INSIG1: variants seen among roughly 807,000 people sequenced by gnomAD.
The protein encoded by INSIG1 is insulin induced gene 1.
A neutral mutation model predicts 26.5 loss-of-function variants in INSIG1; 14 were observed. The observed-to-expected ratio is 0.53, with a 90% CI of 0.35 to 0.83. INSIG1 has a LOEUF of 0.83. INSIG1 is among the 40% of genes least tolerant of loss of function. The pLI, the probability that INSIG1 is intolerant of heterozygous loss-of-function variation, is 0.01. For missense variants in INSIG1, 272 were observed against 368.9 expected, an observed-to-expected ratio of 0.74 and a Z score of 2.15; for synonymous variants, 147 against 153.3, an observed-to-expected ratio of 0.96 and a Z score of 0.30.
intron 2 of INSIG1, among the ~76,000 whole-genome samples, chr7:155,301,193 G>A (rs772534520): frequency 2.0e-5 from 3 of 152,160 alleles, no homozygotes; most frequent in Admixed American, 6.5e-5. Flanking sequence ...AAATCACACC[G>A]GATGAAAAGA....
chr7:155,306,249 C>T (rs996887576), intron 5 of INSIG1, among the ~76,000 whole-genome samples: 1 of 152,246 alleles, frequency 6.6e-6, no homozygotes, highest in Non-Finnish European at 1.5e-5. Context: ...ATCCACCTGC[C>T]TCTGCCTCCC....
chr7:155,298,473 G>T lies in INSIG1; in HGVS notation c.188G>T (p.Arg63Leu), dbSNP rs773576456. 2.5e-5 allele frequency: 39 copies of T among 1,561,052 alleles called. No individual in the cohort carries two copies. In the East Asian group the frequency reaches 8.3e-4, roughly 33 times the overall value. ...APDADPAPRG[R>L]SAAMSGPEPG... ...GACGCTGACCCCGCGCCCAGGGGCC[G>T]CAGTGCTGCGATGAGCGGCCCCGAG... Residue 63 changes from arginine to leucine, a missense_variant, in exon 2 of 6, where the codon CGC (arginine) becomes CTC (leucine). Transcript: ENST00000340368.
Position 155,298,342 on chromosome 7 carries a change from C to T in INSIG1, c.57C>T (p.Arg19=). Reference sequence around the variant, plus strand: ...GCTCCTGTGCGCACAGCGCGAGGCGCCGAGGCCCCCCGCGAGCCAGCGCCG... The same window carrying T: ...GCTCCTGTGCGCACAGCGCGAGGCGTCGAGGCCCCCCGCGAGCCAGCGCCG... ...WSCSCAHSAR[R]RGPPRASAAG... The change falls in exon 2 of 6, where the codon CGC becomes CGT. Residue 19 remains arginine (R), a synonymous_variant. Coordinates refer to ENST00000340368, the MANE Select transcript of INSIG1 (RefSeq NM_005542.6). 5 of 1,508,912 alleles carry T rather than the reference C, an allele frequency of 3.3e-6. No individual in the cohort carries two copies. The highest frequency in any genetic ancestry group is 4.4e-6 in the Non-Finnish European group (5 of 1,137,612). 93.5% of individuals were successfully genotyped at this position (1,508,912 alleles called of 1,614,324 possible).
At chr7:155,308,096 A>T in intron 5 of INSIG1, 145 bp from the exon 6 acceptor site, 1 of 574,716 alleles carries the variant, frequency 1.7e-6, no homozygotes, top group Non-Finnish European at 3.1e-6. Context: ...AGTTCTCTGC[A>T]CATGTCCCAC....
intron 5 of INSIG1, among the ~76,000 whole-genome samples, chr7:155,305,468 C>T (rs1288488571): frequency 6.6e-6 from 1 of 152,178 alleles, no homozygotes; most frequent in African/African-American, 2.4e-5. Flanking sequence ...GGGCAGCCTT[C>T]CCCACATTCC....
chr7:155,298,781 T>C, intron 2 of INSIG1, 84 bp downstream of exon 2: 1 of 1,243,714 alleles, frequency 8.0e-7, no homozygotes, highest in South Asian at 1.4e-5. Context: ...GAAACATGCA[T>C]TTGAAACTGG....
rs1175514792 is a variant in INSIG1 at position 155,298,619 on chromosome 7, A to G, written c.334A>G (p.Thr112Ala). ...CCTGCTGCAGATCCAGAGGAATGTC[A>G]CTCTCTTCCCCGAGGAGGTGATCGC... The part of the protein sequence containing the change: ...LNLLQIQRNV[T>A]LFPEEVIATI... The change falls in exon 2 of 6, where the codon ACT becomes GCT. Residue 112 changes from threonine to alanine, a missense_variant. Around this residue, in one of 2 missense-constraint regions of INSIG1, gnomAD observed 161 missense variants for 179.2 expected, o/e 0.90. Transcript: ENST00000340368. 6.2e-7 allele frequency: 1 copy of G among 1,611,944 alleles called. No individual in the cohort carries two copies. The highest frequency in any genetic ancestry group is 8.5e-7 in the Non-Finnish European group (1 of 1,179,652).
Position 155,298,675 on chromosome 7 carries a change from T to A in INSIG1, c.390T>A (p.Pro130=), listed in dbSNP as rs147110873. 2.5e-6 allele frequency: 4 copies of A among 1,611,882 alleles called. No individual in the cohort carries two copies. The African/African-American group carries it at 5.3e-5, about 21-fold the overall frequency. The part of the protein sequence containing the change: ...ATIFSSAWWV[P]PCCGTAAAVV... The stretch of plus-strand genomic sequence containing the variant: ...TCTTTTCCTCCGCCTGGTGGGTCCC[T>A]CCCTGCTGCGGGACAGCAGCTGGTG... Residue 130 remains proline (P), a synonymous_variant, in exon 2 of 6, where the codon CCT becomes CCA. Transcript: ENST00000340368.
Position 155,298,302 on chromosome 7 carries a change from A to C in INSIG1, c.17A>C (p.Asp6Ala), listed in dbSNP as rs1161652282. 6.7e-7 allele frequency: 1 copy of C among 1,489,456 alleles called. No individual in the cohort carries two copies. The highest frequency in any genetic ancestry group is 1.5e-5 in the African/African-American group (1 of 67,668). The allele number at this position is 1,489,456 out of a possible 1,614,324, so 92.3% of individuals were successfully genotyped here. The stretch of plus-strand genomic sequence containing the variant: ...GTGTGACCGATGCCCAGATTGCACG[A>C]CCACTTCTGGAGCTGCTCCTGTGCG... The part of the protein sequence containing the change: MPRLH[D>A]HFWSCSCAHS... The change falls in exon 2 of 6, where the codon GAC becomes GCC. Residue 6 changes from aspartate to alanine, a missense_variant. Asp to Ala is a moderately radical substitution (Grantham distance 126). Transcript: ENST00000340368.
intron 1 of INSIG1, 54 bp downstream of exon 1, chr7:155,298,013 C>G (rs1797665399): frequency 9.1e-6 from 3 of 328,414 alleles, no homozygotes; most frequent in East Asian, 4.7e-5. Flanking sequence ...GCGCAGCAGC[C>G]GGTCCTCCCC....
chr7:155,306,831 A>G (rs1403807968), intron 5 of INSIG1, among the ~76,000 whole-genome samples: 1 of 152,210 alleles, frequency 6.6e-6, no homozygotes, highest in African/African-American at 2.4e-5. Context: ...TTCACCCTGG[A>G]AGCAGGTTTA....
rs79515055 is a variant in INSIG1 at position 155,302,149 on chromosome 7, G to A, written c.538-102G>A. ...AGTTTTTATGGACAGTGAATTATCT[G>A]TGGTACAATAATAAAATACCCATGT... is the stretch of plus-strand genomic sequence containing the variant. On this transcript the variant is annotated intron_variant, in intron 3 of 5. Transcript: ENST00000340368. This position sits in a 1 kb window ranked among gnomAD's most constrained non-coding sequence, Gnocchi z 4.3. 6,446 of 849,742 alleles carry A rather than the reference G, an allele frequency of 7.6e-3. 115 individuals carry two copies. Among genetic ancestry groups the A allele is most frequent in the African/African-American group, 0.058 (3,312 of 57,130 alleles). 52.6% of individuals were successfully genotyped at this position (849,742 alleles called of 1,614,324 possible). A position where few individuals can be genotyped will look rare whatever the true frequency, so the allele number is the denominator to read the frequency against.
rs554334089 is a variant in INSIG1 at position 155,302,629 on chromosome 7, A to T, written c.705-118A>T. Reference sequence around the variant, plus strand: ...CAGTTACAACCAAACAAATATGAACATTCGTAACATTGGATGGTTGATATG... The same window carrying T: ...CAGTTACAACCAAACAAATATGAACTTTCGTAACATTGGATGGTTGATATG... On this transcript the variant is annotated intron_variant, in intron 4 of 5. Transcript: ENST00000340368. This position sits in a 1 kb window ranked among gnomAD's most constrained non-coding sequence, Gnocchi z 4.3. 1 of 896,406 alleles carries T rather than the reference A, an allele frequency of 1.1e-6. No homozygotes were observed. The highest frequency in any genetic ancestry group is 1.7e-5 in the African/African-American group (1 of 60,160). 55.5% of individuals were successfully genotyped at this position (896,406 alleles called of 1,614,324 possible). A position where few individuals can be genotyped will look rare whatever the true frequency, so the allele number is the denominator to read the frequency against.
rs75368698 is a variant in INSIG1, at chr7:155,308,053, G to A, written c.805-188G>A. Among the ~76,000 whole-genome samples the A allele has an allele frequency of 8.6e-3, 1,303 of 152,304 alleles. 12 individuals carry two copies. The highest frequency in any genetic ancestry group is 0.03 in the African/African-American group (1,236 of 41,574). On this transcript the variant is annotated intron_variant, in intron 5 of 5. Coordinates refer to ENST00000340368, the MANE Select transcript of INSIG1 (RefSeq NM_005542.6). ...ACGGGGCCAGAGCCATGAAGACGGT[G>A]CAGGGGAGCTGGGAGAGCTGGCCTC... is the stretch of plus-strand genomic sequence containing the variant.
Position 155,308,296 on chromosome 7 carries a change from G to T in INSIG1, c.*26G>T. 6.2e-7 allele frequency: 1 copy of T among 1,612,846 alleles called. No individual in the cohort carries two copies. The highest frequency in any genetic ancestry group is 1.1e-5 in the South Asian group (1 of 91,048). ...GTCTTCAAAACCACCGATTCTGAGA[G>T]CAAGGAAGATTTTGGAAGAAAATCT... On this transcript the variant is annotated 3_prime_UTR_variant, in exon 6 of 6. Transcript: ENST00000340368.
chr7:155,304,319 A>C (rs1797877026), intron 5 of INSIG1, among the ~76,000 whole-genome samples: 2 of 152,196 alleles, frequency 1.3e-5, no homozygotes, highest in South Asian at 2.1e-4. Flanking sequence ...TGTTGTTTTC[A>C]TGCATTCGCC....
chr7:155,303,564 C>A (rs532863999), intron 5 of INSIG1, among the ~76,000 whole-genome samples: 3 of 152,310 alleles, frequency 2.0e-5, no homozygotes, highest in South Asian at 4.2e-4. Context: ...TCACAGCCCC[C>A]CTGAGGGAGA....
At chr7:155,299,780 A>G (rs961471974) in intron 2 of INSIG1, among the ~76,000 whole-genome samples, 1 of 152,232 alleles carries the variant, frequency 6.6e-6, no homozygotes, top group Admixed American at 6.5e-5. Context: ...AGATGTGGCA[A>G]CTGAATCACA....
chr7:155,307,757 A>G (rs1026346317), intron 5 of INSIG1, among the ~76,000 whole-genome samples: 12 of 152,272 alleles, frequency 7.9e-5, no homozygotes, highest in Non-Finnish European at 1.5e-4. Context: ...TAACACAGGC[A>G]TCAGATACTA....
Sources: allele counts gnomAD v4.1 joint callset (sites outside exome capture counted in the v4.1 genomes callset), GRCh38; gene constraint gnomAD v4.1.1; regional missense constraint gnomAD v4.1.1; non-coding constraint Gnocchi (gnomAD v3.1); transcripts MANE v1.5; gene names NCBI Gene and HGNC (gene_info 2026-07-23, HGNC 2026-07-21).